The following A1CF variants were observed in gnomAD, a reference collection of about 807,000 sequenced individuals.
A1CF encodes APOBEC-1 stimulating protein.
A1CF carries 48 observed loss-of-function variants against 68.9 expected under a neutral mutation model. The observed-to-expected ratio is 0.70, with a 90% CI of 0.55 to 0.89. A1CF has a LOEUF of 0.89. A1CF is among the 40% of genes least tolerant of loss of function. The pLI is 0.00. For missense variants in A1CF, 653 were observed against 718.9 expected (o/e 0.91, Z 1.05); for synonymous variants, 272 against 260.4 (o/e 1.04, Z -0.43).
chr10:50,861,065 G>C (rs138837298), intron 2 of A1CF, among the ~76,000 whole-genome samples: 7 of 152,274 alleles, frequency 4.6e-5, no homozygotes, highest in African/African-American at 1.7e-4. Flanking sequence ...TATGCGTTGA[G>C]AATTCCTGTA....
At chr10:50,854,327 T>C (rs1441832789) in intron 3 of A1CF, among the ~76,000 whole-genome samples, 1 of 152,056 alleles carries the variant, frequency 6.6e-6, no homozygotes, top group Non-Finnish European at 1.5e-5. Flanking sequence ...ATGTTAAAAT[T>C]GAATACTTCT....
rs571444263 is a variant in A1CF at position 50,835,385 on chromosome 10, T to C, written c.604+689A>G. On this transcript the variant is annotated intron_variant, in intron 6 of 12. Transcript: ENST00000373997. Reference sequence around the variant, plus strand: ...TTCCAGTGTGTCCAGTCTGTCATTTTTGAAATCCTCTTATTTTAGTATTCA... The same window carrying C: ...TTCCAGTGTGTCCAGTCTGTCATTTCTGAAATCCTCTTATTTTAGTATTCA... Among the ~76,000 whole-genome samples the C allele has an allele frequency of 6.6e-5, 10 of 152,338 alleles. No individual in the cohort carries two copies. In the South Asian group the frequency reaches 1.7e-3, roughly 25 times the overall value.
At chr10:50,846,804 A>C (rs1448640199) in intron 3 of A1CF, among the ~76,000 whole-genome samples, 1 of 152,166 alleles carries the variant, frequency 6.6e-6, no homozygotes, top group East Asian at 1.9e-4. Context: ...TGTTTTTTAT[A>C]AACACTTGAA....
intron 5 of A1CF, among the ~76,000 whole-genome samples, chr10:50,838,034 C>T (rs1249163459): frequency 6.6e-6 from 1 of 152,232 alleles, no homozygotes. Flanking sequence ...TTGATGTTTT[C>T]CATGTGTTAC....
At chr10:50,810,975 A>C in intron 11 of A1CF, 65 bp downstream of exon 11, 1 of 1,484,246 alleles carries the variant, frequency 6.7e-7, no homozygotes, top group Non-Finnish European at 9.1e-7. Flanking sequence ...GATGGTGACT[A>C]AATGCATTTA....
intron 5 of A1CF, among the ~76,000 whole-genome samples, chr10:50,839,071 A>G (rs1260992696): frequency 6.6e-6 from 1 of 152,144 alleles, no homozygotes; most frequent in Non-Finnish European, 1.5e-5. Flanking sequence ...TTTTCAAAAC[A>G]CCTCATGAGG....
At position 50,841,886 on chromosome 10, in the gene A1CF, T is replaced by C. The variant is rs764046061; in HGVS notation, c.341A>G (p.Lys114Arg). The change falls in exon 5 of 13, where the codon AAG (lysine) becomes AGG (arginine). Residue 114 changes from lysine to arginine, a missense_variant. Transcript: ENST00000373997. ...CCTAATTTCATAATTATTAAGTTGC[T>C]TGATTGCATTCTTGGCTTCCACTTT... ...SNKVEAKNAI[K>R]QLNNYEIRNG... 1 of 1,613,450 alleles carries C rather than the reference T, an allele frequency of 6.2e-7. No individual in the cohort carries two copies. The highest frequency in any genetic ancestry group is 1.1e-5 in the South Asian group (1 of 91,024).
intron 1 of A1CF, among the ~76,000 whole-genome samples, chr10:50,880,338 C>A (rs1444041023): frequency 1.3e-5 from 2 of 152,124 alleles, no homozygotes; most frequent in Non-Finnish European, 2.9e-5. Flanking sequence ...AATGGCGTAG[C>A]AATAGTACCC....
At chr10:50,854,940 A>G (rs1840409289) in intron 3 of A1CF, among the ~76,000 whole-genome samples, 1 of 151,882 alleles carries the variant, frequency 6.6e-6, no homozygotes, top group South Asian at 2.1e-4. Context: ...TACACACCAC[A>G]TTTTAAATTT....
At chr10:50,875,793 T>C (rs1841485750) in intron 1 of A1CF, among the ~76,000 whole-genome samples, 1 of 152,206 alleles carries the variant, frequency 6.6e-6, no homozygotes. Context: ...GCATGGCATA[T>C]CTGTTCTGCA....
At chr10:50,850,702 G>C (rs532541192) in intron 3 of A1CF, 1 of 1,614,088 alleles carries the variant, frequency 6.2e-7, no homozygotes, top group Non-Finnish European at 8.5e-7. Flanking sequence ...GGACTGCAAA[G>C]CATTATTTCC....
intron 5 of A1CF, among the ~76,000 whole-genome samples, chr10:50,841,045 G>A (rs1449232835): frequency 6.6e-6 from 1 of 152,142 alleles, no homozygotes; most frequent in Non-Finnish European, 1.5e-5. Context: ...GACAACTGCA[G>A]CAGCCTTCTA....
chr10:50,819,471 T>C (rs1264859476), intron 8 of A1CF, among the ~76,000 whole-genome samples: 1 of 152,180 alleles, frequency 6.6e-6, no homozygotes, highest in Non-Finnish European at 1.5e-5. Flanking sequence ...CCTTTCAGGA[T>C]TTCTATTAAT....
At chr10:50,876,013 C>T (rs1483813611) in intron 1 of A1CF, among the ~76,000 whole-genome samples, 1 of 152,148 alleles carries the variant, frequency 6.6e-6, no homozygotes, top group Non-Finnish European at 1.5e-5. Context: ...ATCAGGTCTC[C>T]TAGGCACACC....
At position 50,872,525 on chromosome 10, in the gene A1CF, G is replaced by A. The variant is rs116901491; in HGVS notation, c.-93-8445C>T. On this transcript the variant is annotated intron_variant, in intron 1 of 12. Transcript: ENST00000373997. ...TCATCTTAAAAAAAAATAGGCAGGG[G>A]GTGTGGAAATTATATCTACCCTGCC... Among the ~76,000 whole-genome samples, 4 of 152,146 alleles carry A rather than the reference G, an allele frequency of 2.6e-5. No homozygotes were observed. The East Asian group carries it at 5.8e-4, about 22-fold the overall frequency.
chr10:50,847,602 G>A (rs1013711715), intron 3 of A1CF, among the ~76,000 whole-genome samples: 16 of 152,262 alleles, frequency 1.1e-4, no homozygotes, highest in East Asian at 5.8e-4. Flanking sequence ...GCCACTGAGC[G>A]TTTGAACTTG....
chr10:50,861,918 CTA>C (rs1233217428), intron 2 of A1CF, among the ~76,000 whole-genome samples: 1 of 148,760 alleles, frequency 6.7e-6, no homozygotes, highest in Non-Finnish European at 1.5e-5. Context: ...TATGCTAATA[CTA>C]TATATATTAT....
intron 7 of A1CF, among the ~76,000 whole-genome samples, chr10:50,825,095 T>C (rs966193439): frequency 2.6e-5 from 4 of 152,178 alleles, no homozygotes; most frequent in Non-Finnish European, 5.9e-5. Context: ...AGTGACATCC[T>C]TCCTGAATGT....
intron 6 of A1CF, among the ~76,000 whole-genome samples, chr10:50,834,365 G>A (rs1839388065): frequency 6.6e-6 from 1 of 152,222 alleles, no homozygotes; most frequent in South Asian, 2.1e-4. Flanking sequence ...AGAAGGTGCT[G>A]GCTGGGCTGG....
Sources: allele counts gnomAD v4.1 joint callset (sites outside exome capture counted in the v4.1 genomes callset), GRCh38; gene constraint gnomAD v4.1.1; transcripts MANE v1.5; gene names NCBI Gene and HGNC (gene_info 2026-07-23, HGNC 2026-07-21).